Variants in CSMD1 observed in about 807,000 individuals in gnomAD.
CSMD1 encodes CUB and sushi domain-containing protein 1.
In CSMD1, 213 loss-of-function variants were observed where a neutral mutation model predicts 417.5. The ratio of observed to expected loss-of-function variants is 0.51; its 90% confidence interval spans 0.46 to 0.57. CSMD1 has a LOEUF of 0.57. CSMD1 is among the 20% of genes least tolerant of loss of function. CSMD1 has a pLI of 0.00. For missense variants in CSMD1, 6,923 were observed against 4,529.7 expected, an observed-to-expected ratio of 1.53 and a Z score of -15.17; for synonymous variants, 2,862 against 1,736.8, an observed-to-expected ratio of 1.65 and a Z score of -16.11.
rs1491194103 is a variant in CSMD1 at position 4,312,464 on chromosome 8, CGT to C, written c.415+107487_415+107488del. 7.5e-5 allele frequency among the ~76,000 whole-genome samples: 9 copies of C among 119,208 alleles called. 1 individual carries two copies. Among genetic ancestry groups the C allele is most frequent in the Admixed American group, 2.3e-4 (3 of 13,022 alleles). 78.2% of individuals were successfully genotyped at this position (119,208 alleles called of 152,430 possible). A position where few individuals can be genotyped will look rare whatever the true frequency, so the allele number is the denominator to read the frequency against. On this transcript the variant is annotated intron_variant, in intron 3 of 69. Transcript: ENST00000635120. Reference sequence around the variant, plus strand: ...GTATATATATACGTATATATATGCGCGTATATATATATATACACATATAGAAC... The same window carrying C: ...GTATATATATACGTATATATATGCGCATATATATATATACACATATAGAAC...
At chr8:4,930,860 A>C (rs542194625) in intron 1 of CSMD1, among the ~76,000 whole-genome samples, 44 of 152,362 alleles carry the variant, frequency 2.9e-4, no homozygotes, top group African/African-American at 8.2e-4. Context: ...TAATTTCTTA[A>C]TAAAGGGTTC....
intron 7 of CSMD1, among the ~76,000 whole-genome samples, chr8:3,674,067 T>C (rs534221016): frequency 9.3e-4 from 141 of 152,140 alleles, no homozygotes; most frequent in African/African-American, 3.1e-3. Flanking sequence ...GATAATGTCA[T>C]TGCACTCCAG....
At chr8:3,957,604 A>T (rs1283639273) in intron 5 of CSMD1, among the ~76,000 whole-genome samples, 3 of 152,144 alleles carry the variant, frequency 2.0e-5, no homozygotes, top group Non-Finnish European at 4.4e-5. Flanking sequence ...AGATGGCTTG[A>T]TCTCAGGAGT....
chr8:4,355,852 T>A (rs763978214), intron 3 of CSMD1, among the ~76,000 whole-genome samples: 1 of 152,206 alleles, frequency 6.6e-6, no homozygotes, highest in Non-Finnish European at 1.5e-5. Flanking sequence ...GTAGAGGAGC[T>A]TTGGAGGATG....
intron 4 of CSMD1, among the ~76,000 whole-genome samples, chr8:4,024,554 C>G (rs1208746182): frequency 6.6e-6 from 1 of 152,138 alleles, no homozygotes; most frequent in African/African-American, 2.4e-5. Context: ...CAATTTGAGA[C>G]TTTAGTTTTT....
intron 6 of CSMD1, among the ~76,000 whole-genome samples, chr8:3,739,572 G>T (rs919057581): frequency 1.3e-5 from 2 of 152,080 alleles, no homozygotes; most frequent in African/African-American, 2.4e-5. Flanking sequence ...TTAAATCTGG[G>T]AATGCTTAAG....
chr8:3,993,882 A>G (rs1585097012), intron 5 of CSMD1, among the ~76,000 whole-genome samples: 3 of 152,188 alleles, frequency 2.0e-5, no homozygotes, highest in African/African-American at 7.2e-5. Context: ...GGATCGACAA[A>G]AGATAGGCAG....
chr8:3,595,926 G>T (rs73660329), intron 8 of CSMD1, among the ~76,000 whole-genome samples: 1 of 152,242 alleles, frequency 6.6e-6, no homozygotes, highest in South Asian at 2.1e-4. Flanking sequence ...AGCTTTGCCC[G>T]CAAGCCCCTC....
chr8:3,818,294 G>C (rs1001536824), intron 5 of CSMD1, among the ~76,000 whole-genome samples: 3 of 152,154 alleles, frequency 2.0e-5, no homozygotes, highest in Non-Finnish European at 2.9e-5. Context: ...ACAGGGTGTA[G>C]TGGGAGAGAA....
At chr8:3,340,846 A>C (rs1384169543) in intron 23 of CSMD1, among the ~76,000 whole-genome samples, 20 of 152,166 alleles carry the variant, frequency 1.3e-4, no homozygotes, top group Admixed American at 1.3e-3. Context: ...AGACCTGAGG[A>C]GTCTCCGGGT....
intron 1 of CSMD1, among the ~76,000 whole-genome samples, chr8:4,954,814 C>T (rs1808981142): frequency 6.6e-6 from 1 of 152,082 alleles, no homozygotes; most frequent in South Asian, 2.1e-4. Flanking sequence ...GAAAAAAATT[C>T]TCATTTTCTC....
At chr8:4,858,573 G>C (rs562772634) in intron 1 of CSMD1, among the ~76,000 whole-genome samples, 2 of 152,152 alleles carry the variant, frequency 1.3e-5, no homozygotes, top group Non-Finnish European at 2.9e-5. Flanking sequence ...AAAGTCTCAG[G>C]ATGCAAAATC....
At position 3,110,564 on chromosome 8, in the gene CSMD1, T is replaced by A. The variant is rs149531750; in HGVS notation, c.6431-229A>T. Among the ~76,000 whole-genome samples, 183 of 152,342 alleles carry A rather than the reference T, an allele frequency of 1.2e-3. 2 individuals carry two copies. Among genetic ancestry groups the A allele is most frequent in the African/African-American group, 4.0e-3 (165 of 41,578 alleles). On this transcript the variant is annotated intron_variant, in intron 42 of 69. Coordinates refer to ENST00000635120, the MANE Select transcript of CSMD1 (RefSeq NM_033225.6). ...TCAGTTTTATTTAATATATTCTCCA[T>A]ATCTTCAAAATCCCTTTAGGATAAA...
In CSMD1 at chr8:3,521,338, T is replaced by C. The variant is rs192607407; in HGVS notation, c.1345-27612A>G. On this transcript the variant is annotated intron_variant, in intron 10 of 69. Transcript: ENST00000635120. ...AATTCACATGTCTTTTCACCTCTGT[T>C]TCTTTGCTGTTGGCCCTTCTCCCAT... Among the ~76,000 whole-genome samples the C allele has an allele frequency of 4.4e-3, 670 of 152,294 alleles. 3 individuals are homozygous for C. Among genetic ancestry groups the C allele is most frequent in the South Asian group, 0.026 (125 of 4,820 alleles).
At chr8:4,573,233 G>A (rs896505691) in intron 2 of CSMD1, among the ~76,000 whole-genome samples, 2 of 152,084 alleles carry the variant, frequency 1.3e-5, no homozygotes, top group Non-Finnish European at 2.9e-5. Context: ...TTTTTGTGCT[G>A]GTTTTTCCTC....
At position 3,267,045 on chromosome 8, in the gene CSMD1, C is replaced by G. The variant is rs574876484; in HGVS notation, c.4153+17099G>C. 1.7e-3 allele frequency among the ~76,000 whole-genome samples: 255 copies of G among 152,252 alleles called. 1 individual carries two copies. Among genetic ancestry groups the G allele is most frequent in the African/African-American group, 6.0e-3 (250 of 41,536 alleles). On this transcript the variant is annotated intron_variant, in intron 26 of 69. Coordinates refer to ENST00000635120, the MANE Select transcript of CSMD1 (RefSeq NM_033225.6). ...AGGTATTATTTTTAAATGTCAGAGA[C>G]TTGAGCATATTTACATACAAGAAGC...
intron 1 of CSMD1, among the ~76,000 whole-genome samples, chr8:4,669,743 C>T (rs1288293161): frequency 6.6e-6 from 1 of 152,044 alleles, no homozygotes; most frequent in African/African-American, 2.4e-5. Context: ...GTTTTATTCA[C>T]CTTCTTAGGG....
chr8:3,953,336 A>G (rs539329307), intron 5 of CSMD1, among the ~76,000 whole-genome samples: 1 of 152,314 alleles, frequency 6.6e-6, no homozygotes, highest in South Asian at 2.1e-4. Context: ...TATTTTACAT[A>G]GTATGTATAA....
chr8:3,720,630 C>CACACAT (rs1802101556), intron 6 of CSMD1, among the ~76,000 whole-genome samples: 6 of 151,456 alleles, frequency 4.0e-5, no homozygotes, highest in African/African-American at 1.5e-4. Context: ...TACACACACA[C>CACACAT]ACACACACAC....
Sources: gnomAD v4.1 joint callset for allele counts (sites outside exome capture counted in the v4.1 genomes callset) on GRCh38, gnomAD v4.1.1 for gene constraint, MANE v1.5 for transcripts, NCBI Gene and HGNC (gene_info 2026-07-23, HGNC 2026-07-21) for gene names.